DYNC2I1: variants seen among roughly 807,000 people sequenced by gnomAD.
DYNC2I1 encodes dynein 2 intermediate chain 1.
A neutral mutation model predicts 133.4 loss-of-function variants in DYNC2I1; 89 were observed. That is an observed-to-expected ratio of 0.67 (90% CI 0.56 to 0.80). DYNC2I1 has a LOEUF of 0.80. Among genes scored for constraint, DYNC2I1 ranks in the 30% least tolerant of loss-of-function variants. DYNC2I1 has a pLI of 0.00. For missense variants in DYNC2I1, 1,291 were observed against 1,314.5 expected, an observed-to-expected ratio of 0.98 and a Z score of 0.28; for synonymous variants, 504 against 484.3, an observed-to-expected ratio of 1.04 and a Z score of -0.54.
rs368662058 is a variant in DYNC2I1 at position 158,906,007 on chromosome 7, C to T, written c.1376C>T (p.Ser459Phe). 4.0e-5 allele frequency: 65 copies of T among 1,613,704 alleles called. 1 individual carries two copies. The highest frequency in any genetic ancestry group is 1.3e-4 in the South Asian group (12 of 91,024). ...EPRTDTNSSPSRASVCGIFVD... is the reference protein window; with the variant it reads ...EPRTDTNSSPFRASVCGIFVD... ...CACACAGATACAAACAGTTCCCCTT[C>T]CAGAGCCTCTGTTTGTGGAATTTTT... is the stretch of plus-strand genomic sequence containing the variant. Residue 459 changes from serine (S) to phenylalanine (F), a missense_variant, in exon 11 of 25, where the codon TCC (serine) becomes TTC (phenylalanine). Physicochemically the swap from Ser to Phe is radical, Grantham distance 155. Transcript: ENST00000407559.
At chr7:158,865,630 C>G (rs368900429) in intron 1 of DYNC2I1, among the ~76,000 whole-genome samples, 135 of 152,276 alleles carry the variant, frequency 8.9e-4, no homozygotes, top group African/African-American at 3.2e-3. Context: ...GCTTAGCTCT[C>G]CTGAGTCTCC....
intron 10 of DYNC2I1, chr7:158,904,593 C>T (rs1206591337): frequency 2.6e-5 from 4 of 152,464 alleles, no homozygotes; most frequent in African/African-American, 9.6e-5. Flanking sequence ...AGTCTTAATT[C>T]TGTAACTTTA....
intron 8 of DYNC2I1, among the ~76,000 whole-genome samples, chr7:158,901,190 C>T (rs1175951397): frequency 2.0e-5 from 3 of 152,160 alleles, no homozygotes; most frequent in Admixed American, 2.0e-4. Context: ...CTCACCTCAG[C>T]CTCTGGAGTA....
At chr7:158,897,827 G>A (rs1845891191) in intron 8 of DYNC2I1, among the ~76,000 whole-genome samples, 1 of 152,060 alleles carries the variant, frequency 6.6e-6, no homozygotes, top group African/African-American at 2.4e-5. Context: ...ATCCAAGCTA[G>A]AAACTTAGAT....
rs761659062 is a variant in DYNC2I1 at position 158,884,595 on chromosome 7, C to G, written c.911C>G (p.Ser304Ter). Residue 304 changes from serine (S) to a stop codon, truncating the protein, a stop_gained, in exon 6 of 25, where the codon TCA becomes TGA. Coordinates refer to ENST00000407559, the MANE Select transcript of DYNC2I1 (RefSeq NM_018051.5). LOFTEE classifies it high-confidence loss of function. ...GAACACAGAAATCGAGGTGCAAGCTCAAAAAGAGATGGGACCAGCAGCCAG... is the reference window on the plus strand; with the variant it reads ...GAACACAGAAATCGAGGTGCAAGCTGAAAAAGAGATGGGACCAGCAGCCAG... ...NGEHRNRGASSKRDGTSSQHA... is the reference protein window; with the variant it reads ...NGEHRNRGAS The G allele has an allele frequency of 4.3e-6, 7 of 1,613,170 alleles. No individual in the cohort carries two copies. Among genetic ancestry groups the G allele is most frequent in the Non-Finnish European group, 5.1e-6 (6 of 1,179,532 alleles).
In DYNC2I1 at chr7:158,864,227, C is replaced by T. The variant is rs73167261; in HGVS notation, c.16-5628C>T. On this transcript the variant is annotated intron_variant, in intron 1 of 24. Coordinates refer to ENST00000407559, the MANE Select transcript of DYNC2I1 (RefSeq NM_018051.5). The stretch of plus-strand genomic sequence containing the variant: ...CTAAACATTTAAAGGAGCTCACATT[C>T]CTCAGATTAGTTTCTTTTCTTTCTC... 9.0e-3 allele frequency among the ~76,000 whole-genome samples: 1,369 copies of T among 152,182 alleles called. 6 individuals are homozygous for T. Among genetic ancestry groups the T allele is most frequent in the Middle Eastern group, 0.017 (5 of 294 alleles).
chr7:158,914,270 G>A lies in DYNC2I1; in HGVS notation c.1740G>A (p.Met580Ile). Residue 580 changes from methionine (M) to isoleucine (I), a missense_variant, in exon 14 of 25, where the codon ATG becomes ATA. Transcript: ENST00000407559. The part of the protein sequence containing the change: ...EQRDTSDAVV[M>I]PKIDTPRLCS... ...GAGATACCTCTGATGCTGTAGTTAT[G>A]CCAAAGATTGATACTCCAAGGTTAT... 1 of 1,612,778 alleles carries A rather than the reference G, an allele frequency of 6.2e-7. No individual in the cohort carries two copies. Among genetic ancestry groups the A allele is most frequent in the Non-Finnish European group, 8.5e-7 (1 of 1,179,346 alleles).
rs116027919 is a variant in DYNC2I1, at chr7:158,906,121, G to A, written c.1460+30G>A. 3,097 of 1,577,068 alleles carry A rather than the reference G, an allele frequency of 2.0e-3. 59 individuals are homozygous for A. The African/African-American group carries it at 0.037, about 19-fold the overall frequency. ...GTGTATTGGGAAAGCAGCCAAAGGT[G>A]TTCAGGGTTTTAGCTTAACTTTTCT... On this transcript the variant is annotated intron_variant, in intron 11 of 24. Coordinates refer to ENST00000407559, the MANE Select transcript of DYNC2I1 (RefSeq NM_018051.5).
chr7:158,918,282 TC>T (rs1848679150), intron 14 of DYNC2I1, among the ~76,000 whole-genome samples: 1 of 152,222 alleles, frequency 6.6e-6, no homozygotes, highest in Non-Finnish European at 1.5e-5. Flanking sequence ...TTTCCATCAA[TC>T]CTGTTTTGTC....
rs539378960 is a variant in DYNC2I1, at chr7:158,864,125, G to T, written c.16-5730G>T. Among the ~76,000 whole-genome samples, 267 of 150,596 alleles carry T rather than the reference G, an allele frequency of 1.8e-3. 1 individual carries two copies. The highest frequency in any genetic ancestry group is 6.0e-3 in the African/African-American group (246 of 40,884). Reference sequence around the variant, plus strand: ...GACGTCCTTAGCTCCGGGTGTGGGGGGGGGAGCAGACGTTCTTAGCTCTGG... The same window carrying T: ...GACGTCCTTAGCTCCGGGTGTGGGGTGGGGAGCAGACGTTCTTAGCTCTGG... On this transcript the variant is annotated intron_variant, in intron 1 of 24. Coordinates refer to ENST00000407559, the MANE Select transcript of DYNC2I1 (RefSeq NM_018051.5).
At position 158,871,159 on chromosome 7, in the gene DYNC2I1, T is replaced by G. The variant is rs1280402786; in HGVS notation, c.87T>G (p.Gly29=). The change falls in exon 3 of 25, where the codon GGT becomes GGG. Residue 29 remains glycine, a synonymous_variant. Transcript: ENST00000407559. ...RKHLWAIQSG[G]SKEERKHREK... The stretch of plus-strand genomic sequence containing the variant: ...TGTTTCAGGCCATACAGTCAGGTGG[T>G]TCCAAGGAAGAAAGAAAGCACAGAG... 2 of 1,612,926 alleles carry G rather than the reference T, an allele frequency of 1.2e-6. No homozygotes were observed. The highest frequency in any genetic ancestry group is 2.2e-5 in the South Asian group (2 of 90,964).
intron 3 of DYNC2I1, among the ~76,000 whole-genome samples, chr7:158,874,398 G>A (rs1843164977): frequency 6.6e-6 from 1 of 152,074 alleles, no homozygotes; most frequent in African/African-American, 2.4e-5. Context: ...TTTAACAGTA[G>A]CTGTCCTACT....
At chr7:158,915,882 C>G (rs113901295) in intron 14 of DYNC2I1, among the ~76,000 whole-genome samples, 80 of 113,484 alleles carry the variant, frequency 7.0e-4, no homozygotes, top group African/African-American at 1.2e-3. Flanking sequence ...CGTCGACACG[C>G]TGGTTGAGAT....
Position 158,926,406 on chromosome 7 carries a change from G to A in DYNC2I1, c.2376G>A (p.Met792Ile). ...TTTTGTTTCTGTCTTCATCAGAAAT[G>A]TCAGGTTTGTCCTTCCACATCGCTT... ...VLSPFSTQEE[M>I]SGLSFHIASL... Residue 792 changes from methionine to isoleucine, a missense_variant, in exon 19 of 25, where the codon ATG becomes ATA. Transcript: ENST00000407559. 1 of 1,612,800 alleles carries A rather than the reference G, an allele frequency of 6.2e-7. No individual in the cohort carries two copies. Among genetic ancestry groups the A allele is most frequent in the Non-Finnish European group, 8.5e-7 (1 of 1,179,308 alleles).
Position 158,906,159 on chromosome 7 carries a change from T to TA in DYNC2I1, c.1460+74dup, listed in dbSNP as rs1249129173. The TA allele has an allele frequency of 1.6e-5, 22 of 1,400,716 alleles. No individual in the cohort carries two copies. The Admixed American group carries it at 2.2e-4, about 14-fold the overall frequency. 86.8% of individuals were successfully genotyped at this position (1,400,716 alleles called of 1,614,324 possible). Reference sequence around the variant, plus strand: ...GCTTAACTTTTCTTTCACATACTTTTAAAAAATCGAGTTTTAAAATGCATT... The same window carrying TA: ...GCTTAACTTTTCTTTCACATACTTTTAAAAAAATCGAGTTTTAAAATGCATT... On this transcript the variant is annotated intron_variant, in intron 11 of 24. Coordinates refer to ENST00000407559, the MANE Select transcript of DYNC2I1 (RefSeq NM_018051.5).
chr7:158,856,591 C>T lies in DYNC2I1; in HGVS notation c.-145C>T, dbSNP rs1017386658. ...CCGCAGGGCACGCTGGGCAGTGCTT[C>T]TGGGCCCTCTGCTGCTCCTGCTTGT... is the stretch of plus-strand genomic sequence containing the variant. On this transcript the variant is annotated 5_prime_UTR_variant, in exon 1 of 25. Transcript: ENST00000407559. 1.4e-5 allele frequency: 12 copies of T among 845,680 alleles called. No homozygotes were observed. The highest frequency in any genetic ancestry group is 8.7e-5 in the Admixed American group (2 of 23,018). 52.4% of individuals were successfully genotyped at this position (845,680 alleles called of 1,614,324 possible).
chr7:158,882,031 G>T (rs964120990), intron 5 of DYNC2I1, among the ~76,000 whole-genome samples: 5 of 152,162 alleles, frequency 3.3e-5, no homozygotes, highest in African/African-American at 1.2e-4. Context: ...TATTAAAGGT[G>T]AATGTGAAAA....
In DYNC2I1 at chr7:158,918,806, G is replaced by T; in HGVS notation, c.1858G>T (p.Asp620Tyr). 2 of 1,613,930 alleles carry T rather than the reference G, an allele frequency of 1.2e-6. No homozygotes were observed. Among genetic ancestry groups the T allele is most frequent in the Non-Finnish European group, 1.7e-6 (2 of 1,179,882 alleles). Residue 620 changes from aspartate (D) to tyrosine (Y), a missense_variant, in exon 15 of 25, where the codon GAC becomes TAC. Physicochemically the swap from Asp to Tyr is radical, Grantham distance 160. Coordinates refer to ENST00000407559, the MANE Select transcript of DYNC2I1 (RefSeq NM_018051.5). The part of the protein sequence containing the change: ...AEPSWNLRAQ[D>Y]RALYFSDSSS... Reference sequence around the variant, plus strand: ...ACCCAGCTGGAATCTTAGGGCTCAAGACAGGGCCCTGTATTTTAGTGACAG... The same window carrying T: ...ACCCAGCTGGAATCTTAGGGCTCAATACAGGGCCCTGTATTTTAGTGACAG...
chr7:158,884,096 G>A (rs540593008), intron 5 of DYNC2I1, among the ~76,000 whole-genome samples: 1 of 148,518 alleles, frequency 6.7e-6, no homozygotes, highest in African/African-American at 2.5e-5. Context: ...CCAGGCTGGA[G>A]TGCAGTGGCG....
Sources: gnomAD v4.1 joint callset for allele counts (sites outside exome capture counted in the v4.1 genomes callset) on GRCh38, gnomAD v4.1.1 for gene constraint, MANE v1.5 for transcripts, NCBI Gene and HGNC (gene_info 2026-07-23, HGNC 2026-07-21) for gene names.